ACOXL: variants seen among roughly 807,000 people sequenced by gnomAD.
The protein encoded by ACOXL is acyl-CoA oxidase like.
ACOXL carries 70 observed loss-of-function variants against 71.9 expected under a neutral mutation model. The observed-to-expected ratio is 0.97, with a 90% CI of 0.80 to 1.19. The LOEUF is 1.19. Among genes scored for constraint, ACOXL ranks in the 50% most tolerant of loss-of-function variants. ACOXL has a pLI of 0.00. For missense variants in ACOXL, 703 were observed against 736.3 expected (o/e 0.95, Z 0.52); for synonymous variants, 253 against 281.6 (o/e 0.90, Z 1.02).
chr2:111,075,541 A>G (rs971937572), intron 16 of ACOXL, among the ~76,000 whole-genome samples: 7 of 151,006 alleles, frequency 4.6e-5, no homozygotes, highest in Non-Finnish European at 8.9e-5. Flanking sequence ...TTTTACATTT[A>G]TTTTTCTCTA....
chr2:110,940,674 C>T (rs1360324357), intron 12 of ACOXL, among the ~76,000 whole-genome samples: 2 of 152,154 alleles, frequency 1.3e-5, no homozygotes, highest in Admixed American at 1.3e-4. Context: ...CCTTTGGATT[C>T]CAGGATTCTT....
intron 12 of ACOXL, among the ~76,000 whole-genome samples, chr2:110,951,397 A>T (rs2086750): frequency 0.041 from 6,280 of 152,244 alleles, 365 homozygotes; most frequent in East Asian, 0.19. Flanking sequence ...GAGAAAAATG[A>T]TAGCTTTGTT....
At chr2:110,935,325 C>G (rs1007773600) in intron 12 of ACOXL, among the ~76,000 whole-genome samples, 1 of 152,136 alleles carries the variant, frequency 6.6e-6, no homozygotes, top group Non-Finnish European at 1.5e-5. Flanking sequence ...GGGTCTCTCA[C>G]CCCCAGGCCT....
At chr2:110,796,797 T>G (rs1387886192) in intron 5 of ACOXL, among the ~76,000 whole-genome samples, 1 of 152,236 alleles carries the variant, frequency 6.6e-6, no homozygotes, top group Non-Finnish European at 1.5e-5. Context: ...CGTTTATGTT[T>G]CTGAAAAGCT....
At chr2:110,834,508 G>A (rs1024616473) in intron 9 of ACOXL, among the ~76,000 whole-genome samples, 2 of 152,216 alleles carry the variant, frequency 1.3e-5, no homozygotes, top group South Asian at 2.1e-4. Context: ...TGAATTCAGC[G>A]GTTCCGGAGT....
intron 10 of ACOXL, among the ~76,000 whole-genome samples, chr2:110,902,032 C>CAAA (rs34402895): frequency 1.5e-5 from 2 of 134,714 alleles, no homozygotes; most frequent in Admixed American, 1.5e-4. Flanking sequence ...ACGATTCTGT[C>CAAA]AAAAAAAAAA....
At chr2:110,749,689 C>A (rs1206666541) in intron 1 of ACOXL, among the ~76,000 whole-genome samples, 1 of 152,242 alleles carries the variant, frequency 6.6e-6, no homozygotes, top group East Asian at 1.9e-4. Flanking sequence ...GATCGCGCCA[C>A]TGCACTCCAG....
intron 17 of ACOXL, chr2:111,094,039 A>G (rs7559055): frequency 0.19 from 29,308 of 152,348 alleles, 2,933 homozygotes; most frequent in South Asian, 0.25. Context: ...GAAAATTAAG[A>G]GATGGTGGCC....
In ACOXL at chr2:110,768,492, T is replaced by TTGTGTGTGTGTGTG. The variant is rs57292148; in HGVS notation, c.75+37_75+50dup. On this transcript the variant is annotated intron_variant, in intron 2 of 17. Coordinates refer to ENST00000439055, the MANE Select transcript of ACOXL (RefSeq NM_001142807.4). ...AAGTGTCATTATTATTCTGGTATGGTTGTGTGTGTGTGTGTGTGTGTGAGA... is the reference window on the plus strand; with the variant it reads ...AAGTGTCATTATTATTCTGGTATGGTTGTGTGTGTGTGTGTGTGTGTGTGTGTGTGTGTGTGAGA... The TTGTGTGTGTGTGTG allele has an allele frequency of 6.9e-4, 884 of 1,280,298 alleles. 4 individuals carry two copies. In the African/African-American group the frequency reaches 0.013, roughly 19 times the overall value. The allele number at this position is 1,280,298 out of a possible 1,614,324, so 79.3% of individuals were successfully genotyped here.
chr2:110,910,126 G>C (rs11887427), intron 11 of ACOXL, among the ~76,000 whole-genome samples: 50 of 152,066 alleles, frequency 3.3e-4, no homozygotes, highest in Admixed American at 3.3e-3. Flanking sequence ...GTTCCCTCTG[G>C]CCCCTTTGCA....
intron 1 of ACOXL, among the ~76,000 whole-genome samples, chr2:110,744,373 A>G (rs1204387645): frequency 6.6e-6 from 1 of 152,218 alleles, no homozygotes; most frequent in African/African-American, 2.4e-5. Context: ...AAAAATGTAG[A>G]GAGGACAGAG....
Position 111,050,785 on chromosome 2 carries a change from G to C in ACOXL, c.1440+1497G>C, listed in dbSNP as rs544337740. Reference sequence around the variant, plus strand: ...AGGCCTGCTTCTAGTGGTCCTCATGGCCTCCCCGACTTGGGATGCCGCAGC... The same window carrying C: ...AGGCCTGCTTCTAGTGGTCCTCATGCCCTCCCCGACTTGGGATGCCGCAGC... On this transcript the variant is annotated intron_variant, in intron 16 of 17. Coordinates refer to ENST00000439055, the MANE Select transcript of ACOXL (RefSeq NM_001142807.4). 2.0e-5 allele frequency among the ~76,000 whole-genome samples: 3 copies of C among 152,316 alleles called. No homozygotes were observed. The South Asian group carries it at 6.2e-4, about 32-fold the overall frequency.
intron 12 of ACOXL, among the ~76,000 whole-genome samples, chr2:110,944,008 TTAAG>T (rs1257386770): frequency 2.0e-5 from 3 of 152,156 alleles, no homozygotes; most frequent in Admixed American, 6.5e-5. Flanking sequence ...TTGCCAAAGT[TTAAG>T]TGAGTTTAAG....
At chr2:110,977,383 C>CAA (rs1232083797) in intron 12 of ACOXL, among the ~76,000 whole-genome samples, 2 of 101,980 alleles carry the variant, frequency 2.0e-5, no homozygotes, top group Non-Finnish European at 2.1e-5. Flanking sequence ...GACTCCGTCT[C>CAA]AAAAAAAAAA....
intron 12 of ACOXL, among the ~76,000 whole-genome samples, chr2:110,948,623 T>C (rs2061204044): frequency 6.9e-6 from 1 of 144,156 alleles, no homozygotes; most frequent in Admixed American, 7.4e-5. Context: ...CTGTGGGCTG[T>C]AGAGGAAGGG....
intron 10 of ACOXL, among the ~76,000 whole-genome samples, chr2:110,862,671 G>T (rs564809421): frequency 6.6e-6 from 1 of 152,334 alleles, no homozygotes; most frequent in South Asian, 2.1e-4. Context: ...TTTAAATTTG[G>T]CGCAAATGGC....
rs114477061 is a variant in ACOXL at position 110,938,730 on chromosome 2, A to T, written c.1059+5088A>T. Among the ~76,000 whole-genome samples, 1,464 of 152,048 alleles carry T rather than the reference A, an allele frequency of 9.6e-3. 13 individuals are homozygous for T. The highest frequency in any genetic ancestry group is 0.045 in the Middle Eastern group (13 of 292). ...ATAAATGAATGAATGAATGAATGAA[A>T]GAATGTCCTGTGCATCTGTTTTCTT... is the stretch of plus-strand genomic sequence containing the variant. On this transcript the variant is annotated intron_variant, in intron 12 of 17. Transcript: ENST00000439055.
chr2:110,934,488 C>T (rs1257385053), intron 12 of ACOXL, among the ~76,000 whole-genome samples: 1 of 152,242 alleles, frequency 6.6e-6, no homozygotes, highest in African/African-American at 2.4e-5. Context: ...TGCTTATAAA[C>T]AGCACCTCTG....
rs566930542 is a variant in ACOXL, at chr2:110,776,337, GGATGGTGAT to G, written c.75+7880_75+7888del. Among the ~76,000 whole-genome samples the G allele has an allele frequency of 2.8e-3, 430 of 152,278 alleles. 1 individual carries two copies. Among genetic ancestry groups the G allele is most frequent in the African/African-American group, 9.9e-3 (410 of 41,564 alleles). ...GGGAAGATTAAGAAGTTCTGGAGAT[GGATGGTGAT>G]GATGGTTGCCAAACACTGTGAATAT... On this transcript the variant is annotated intron_variant, in intron 2 of 17. Coordinates refer to ENST00000439055, the MANE Select transcript of ACOXL (RefSeq NM_001142807.4).
Sources: gnomAD v4.1 joint callset for allele counts (sites outside exome capture counted in the v4.1 genomes callset) on GRCh38, gnomAD v4.1.1 for gene constraint, MANE v1.5 for transcripts, NCBI Gene and HGNC (gene_info 2026-07-23, HGNC 2026-07-21) for gene names.